Variants in NRXN3 observed in about 807,000 individuals in gnomAD.
The protein encoded by NRXN3 is neurexin 3.
A neutral mutation model predicts 137.6 loss-of-function variants in NRXN3; 32 were observed. The observed-to-expected ratio is 0.23, with a 90% CI of 0.18 to 0.31. The LOEUF (loss-of-function observed/expected upper bound fraction) is 0.31, where lower values mean the gene tolerates loss of function less well. Ranked by LOEUF, NRXN3 falls within the 10% of genes least tolerant of loss-of-function variation. NRXN3 has a pLI of 1.00. For missense variants in NRXN3, 1,574 were observed against 2,062.5 expected (o/e 0.76, Z 4.59); for synonymous variants, 798 against 784.5 (o/e 1.02, Z -0.29).
chr14:78,549,117 TG>T (rs1431654416), intron 4 of NRXN3, among the ~76,000 whole-genome samples: 1 of 152,172 alleles, frequency 6.6e-6, no homozygotes, highest in African/African-American at 2.4e-5. Context: ...TGTTTTGGGA[TG>T]TTTTTTGGTG....
chr14:79,699,144 T>C (rs2098745641), intron 19 of NRXN3, among the ~76,000 whole-genome samples: 1 of 151,938 alleles, frequency 6.6e-6, no homozygotes, highest in South Asian at 2.1e-4. Flanking sequence ...CATAGTACTG[T>C]TACCGTCACA....
At chr14:78,195,585 A>G (rs1880961071) in intron 1 of NRXN3, among the ~76,000 whole-genome samples, 1 of 152,166 alleles carries the variant, frequency 6.6e-6, no homozygotes, top group African/African-American at 2.4e-5. Flanking sequence ...ATCTGGGGAG[A>G]TGACATCTGA....
chr14:78,419,961 GCACACA>G (rs1256574515), intron 4 of NRXN3, among the ~76,000 whole-genome samples: 11 of 49,242 alleles, frequency 2.2e-4, no homozygotes, highest in African/African-American at 4.5e-4. Flanking sequence ...GCGCGCGCAC[GCACACA>G]CACACACACA....
chr14:78,928,577 T>G (rs1370905307), intron 10 of NRXN3, among the ~76,000 whole-genome samples: 1 of 152,132 alleles, frequency 6.6e-6, no homozygotes, highest in Non-Finnish European at 1.5e-5. Context: ...TGCGATAGTT[T>G]GCTCAGAATG....
intron 15 of NRXN3, among the ~76,000 whole-genome samples, chr14:79,411,448 T>TTA (rs2153515406): frequency 6.6e-6 from 1 of 152,288 alleles, no homozygotes; most frequent in East Asian, 1.9e-4. Flanking sequence ...CTCTTACATC[T>TTA]TGTCACATTG....
intron 10 of NRXN3, among the ~76,000 whole-genome samples, chr14:78,850,902 A>G (rs2099040755): frequency 6.6e-6 from 1 of 152,196 alleles, no homozygotes; most frequent in Non-Finnish European, 1.5e-5. Flanking sequence ...TACTGCTTTC[A>G]GGGAAGAGTT....
At chr14:79,108,409 T>C (rs902956363) in intron 15 of NRXN3, among the ~76,000 whole-genome samples, 3 of 152,158 alleles carry the variant, frequency 2.0e-5, no homozygotes, top group African/African-American at 7.2e-5. Context: ...AAACATCGTT[T>C]GTGCTAGCCT....
At chr14:79,021,081 G>T (rs529702115) in intron 15 of NRXN3, among the ~76,000 whole-genome samples, 1 of 152,216 alleles carries the variant, frequency 6.6e-6, no homozygotes, top group Non-Finnish European at 1.5e-5. Context: ...GGTGTGGTTG[G>T]TTACTTTTAT....
chr14:79,363,422 C>T (rs1255204308), intron 15 of NRXN3, among the ~76,000 whole-genome samples: 2 of 152,182 alleles, frequency 1.3e-5, no homozygotes, highest in East Asian at 1.9e-4. Context: ...TATTCTTCCG[C>T]ATCCTTCTTC....
intron 4 of NRXN3, among the ~76,000 whole-genome samples, chr14:78,596,781 A>C (rs1006983567): frequency 1.3e-5 from 2 of 152,198 alleles, no homozygotes; most frequent in African/African-American, 2.4e-5. Context: ...ACTTCCTTGC[A>C]TCATCATTGC....
intron 15 of NRXN3, among the ~76,000 whole-genome samples, chr14:78,990,920 T>C (rs1254123548): frequency 6.6e-6 from 1 of 152,218 alleles, no homozygotes; most frequent in Non-Finnish European, 1.5e-5. Context: ...TTATTTTCTA[T>C]AGCAGCCTTG....
Position 79,499,956 on chromosome 14 carries a change from C to CGTGTGTGTGTGTGT in NRXN3, c.3444+32577_3444+32590dup, listed in dbSNP as rs35371414. 3.4e-3 allele frequency among the ~76,000 whole-genome samples: 496 copies of CGTGTGTGTGTGTGT among 145,222 alleles called. 3 individuals are homozygous for CGTGTGTGTGTGTGT. Among genetic ancestry groups the CGTGTGTGTGTGTGT allele is most frequent in the South Asian group, 0.016 (71 of 4,362 alleles). The stretch of plus-strand genomic sequence containing the variant: ...GGTTTTCTGTCAGTTATCTTAGGGT[C>CGTGTGTGTGTGTGT]GTGTGTGTGTGTGTGTGTGTGTGTG... On this transcript the variant is annotated intron_variant, in intron 16 of 20. Coordinates refer to ENST00000335750, the MANE Select transcript of NRXN3 (RefSeq NM_001330195.2).
At chr14:79,799,630 C>T (rs940615473) in intron 19 of NRXN3, among the ~76,000 whole-genome samples, 14 of 152,138 alleles carry the variant, frequency 9.2e-5, no homozygotes, top group African/African-American at 3.4e-4. Context: ...TGTTTTAGAC[C>T]TCTAAGCCTT....
At chr14:78,579,488 A>C (rs915119473) in intron 4 of NRXN3, among the ~76,000 whole-genome samples, 1 of 152,018 alleles carries the variant, frequency 6.6e-6, no homozygotes, top group Non-Finnish European at 1.5e-5. Flanking sequence ...TGAGATCCAC[A>C]GGGTAGTCTC....
chr14:79,137,201 G>A (rs2134366), intron 15 of NRXN3, among the ~76,000 whole-genome samples: 97,798 of 152,054 alleles, frequency 0.64, 32,018 homozygotes, highest in East Asian at 0.77. Context: ...TAGATCTTCA[G>A]TTAGGTCCCA....
rs545500584 is a variant in NRXN3 at position 79,702,541 on chromosome 14, T to C, written c.4014+4604T>C. Among the ~76,000 whole-genome samples the C allele has an allele frequency of 8.2e-4, 124 of 152,016 alleles. No individual in the cohort carries two copies. In the Middle Eastern group the frequency reaches 0.01, roughly 13 times the overall value. ...AAATGTCAGCCAGAAGCTAAGTTGT[T>C]AAAAGCAGAGATTATAATCTCTGGG... On this transcript the variant is annotated intron_variant, in intron 19 of 20. Coordinates refer to ENST00000335750, the MANE Select transcript of NRXN3 (RefSeq NM_001330195.2).
intron 15 of NRXN3, among the ~76,000 whole-genome samples, chr14:79,274,161 C>T (rs1034870940): frequency 1.3e-5 from 2 of 150,144 alleles, no homozygotes; most frequent in Non-Finnish European, 1.5e-5. Flanking sequence ...AGCTAACAAG[C>T]AGAATCAGGA....
Position 79,862,115 on chromosome 14 carries a change from A to T in NRXN3, c.*151A>T. ...ACTCTGGTGGGGAAAACCGTTTTTT[A>T]AAGGACACACACACACACAGCGATG... On this transcript the variant is annotated 3_prime_UTR_variant, in exon 21 of 21. Coordinates refer to ENST00000335750, the MANE Select transcript of NRXN3 (RefSeq NM_001330195.2). 1 of 660,170 alleles carries T rather than the reference A, an allele frequency of 1.5e-6. No homozygotes were observed. Among genetic ancestry groups the T allele is most frequent in the South Asian group, 2.0e-5 (1 of 51,238 alleles). 40.9% of individuals were successfully genotyped at this position (660,170 alleles called of 1,614,324 possible). A position where few individuals can be genotyped will look rare whatever the true frequency, so the allele number is the denominator to read the frequency against.
At position 78,825,478 on chromosome 14, in the gene NRXN3, T is replaced by C. The variant is rs1509152; in HGVS notation, c.2275+15134T>C. On this transcript the variant is annotated intron_variant, in intron 10 of 20. Coordinates refer to ENST00000335750, the MANE Select transcript of NRXN3 (RefSeq NM_001330195.2). ...ATTAGTAATAAGAGCTACAATATCA[T>C]TGGATGAAGAAGAAAAATTTCTGAA... 0.023 allele frequency among the ~76,000 whole-genome samples: 3,455 copies of C among 152,306 alleles called. 224 individuals carry two copies. In the East Asian group the frequency reaches 0.26, roughly 12 times the overall value.
Sources: allele counts gnomAD v4.1 joint callset (sites outside exome capture counted in the v4.1 genomes callset), GRCh38; gene constraint gnomAD v4.1.1; transcripts MANE v1.5; gene names NCBI Gene and HGNC (gene_info 2026-07-23, HGNC 2026-07-21).